SCAMP1: variants seen among roughly 807,000 people sequenced by gnomAD.
The protein encoded by SCAMP1 is secretory carrier membrane protein 1, also known as secretory carrier-associated membrane protein 1.
In SCAMP1, 15 loss-of-function variants were observed where a neutral mutation model predicts 41.8. The observed-to-expected ratio is 0.36, with a 90% CI of 0.24 to 0.55. The LOEUF (loss-of-function observed/expected upper bound fraction) is 0.55. Ranked by LOEUF, SCAMP1 falls within the 20% of genes least tolerant of loss-of-function variation. The pLI, the probability that SCAMP1 is intolerant of heterozygous loss-of-function variation, is 0.86. For missense variants in SCAMP1, 341 were observed against 412.6 expected, an observed-to-expected ratio of 0.83 and a Z score of 1.50; for synonymous variants, 135 against 136.8, an observed-to-expected ratio of 0.99 and a Z score of 0.09.
intron 3 of SCAMP1, 32 bp from the exon 4 acceptor site, chr5:78,416,509 A>C: frequency 6.8e-7 from 1 of 1,465,164 alleles, no homozygotes; most frequent in Non-Finnish European, 9.3e-7. Context: ...TACTTCTGAC[A>C]GTCTATTCAC....
intron 6 of SCAMP1, among the ~76,000 whole-genome samples, chr5:78,448,921 A>G (rs1425664278): frequency 3.3e-5 from 5 of 151,708 alleles, no homozygotes; most frequent in African/African-American, 1.2e-4. Flanking sequence ...AATCGCTTGA[A>G]CCTGGGAGGC....
chr5:78,417,337 G>A (rs1365355287), intron 4 of SCAMP1, among the ~76,000 whole-genome samples: 1 of 152,100 alleles, frequency 6.6e-6, no homozygotes, highest in Non-Finnish European at 1.5e-5. Context: ...GTAAGTCTAG[G>A]GCCTCATGAG....
chr5:78,464,224 G>A (rs1753686258), intron 8 of SCAMP1, among the ~76,000 whole-genome samples: 1 of 151,934 alleles, frequency 6.6e-6, no homozygotes, highest in African/African-American at 2.4e-5. Context: ...GCTCACTGCA[G>A]CCTCCAACTC....
In SCAMP1 at chr5:78,456,979, G is replaced by T. The variant is rs952227767; in HGVS notation, c.735-2266G>T. ...CCCTTTCTTCCAGTTGATCGCATGG[G>T]CTCCTGAGGCTTCTGCATTCTTCAC... On this transcript the variant is annotated intron_variant, in intron 7 of 8. Transcript: ENST00000621999. Among the ~76,000 whole-genome samples, 383 of 132,844 alleles carry T rather than the reference G, an allele frequency of 2.9e-3. 11 individuals are homozygous for T. Among genetic ancestry groups the T allele is most frequent in the Non-Finnish European group, 3.8e-3 (243 of 63,510 alleles). 87.2% of individuals were successfully genotyped at this position (132,844 alleles called of 152,430 possible).
intron 1 of SCAMP1, among the ~76,000 whole-genome samples, chr5:78,383,889 T>C (rs959319592): frequency 2.6e-5 from 4 of 152,204 alleles, no homozygotes; most frequent in Non-Finnish European, 5.9e-5. Context: ...TTGTCCTTTT[T>C]ACTTAGTCTT....
At chr5:78,465,075 G>A (rs1224166109) in intron 8 of SCAMP1, among the ~76,000 whole-genome samples, 1 of 152,148 alleles carries the variant, frequency 6.6e-6, no homozygotes, top group Non-Finnish European at 1.5e-5. Flanking sequence ...CTCCGATCTT[G>A]CTGTGTCTCC....
chr5:78,388,589 G>A (rs1234732066), intron 1 of SCAMP1, among the ~76,000 whole-genome samples: 2 of 152,244 alleles, frequency 1.3e-5, no homozygotes, highest in South Asian at 2.1e-4. Flanking sequence ...TTTTTATCTT[G>A]ATGTAATAGC....
At chr5:78,398,432 G>A (rs1751711241) in intron 2 of SCAMP1, among the ~76,000 whole-genome samples, 3 of 124,568 alleles carry the variant, frequency 2.4e-5, no homozygotes, top group African/African-American at 9.1e-5. Flanking sequence ...TGGCATGAAT[G>A]TAGCTTACTG....
At position 78,361,022 on chromosome 5, in the gene SCAMP1, C is replaced by G. The variant is rs531705556; in HGVS notation, c.57+294C>G. 3 of 366,984 alleles carry G rather than the reference C, an allele frequency of 8.2e-6. No individual in the cohort carries two copies. The East Asian group carries it at 1.6e-4, about 20-fold the overall frequency. The allele number at this position is 366,984 out of a possible 1,614,324, so 22.7% of individuals were successfully genotyped here. A position where few individuals can be genotyped will look rare whatever the true frequency, so the allele number is the denominator to read the frequency against. Reference sequence around the variant, plus strand: ...CTGGGCCCGCGCGCCCGGAGGGGTCCTGGCCCGCCTCTCAGGAGAGAAAGC... The same window carrying G: ...CTGGGCCCGCGCGCCCGGAGGGGTCGTGGCCCGCCTCTCAGGAGAGAAAGC... On this transcript the variant is annotated intron_variant, in intron 1 of 8. Coordinates refer to ENST00000621999, the MANE Select transcript of SCAMP1 (RefSeq NM_004866.6).
intron 8 of SCAMP1, among the ~76,000 whole-genome samples, chr5:78,467,491 T>G (rs947373195): frequency 6.6e-6 from 1 of 152,212 alleles, no homozygotes; most frequent in Admixed American, 6.5e-5. Context: ...AGTTATAGAA[T>G]GGTGCTCATA....
intron 1 of SCAMP1, among the ~76,000 whole-genome samples, chr5:78,369,198 G>A (rs1385863408): frequency 2.0e-5 from 3 of 151,088 alleles, no homozygotes; most frequent in East Asian, 2.0e-4. Flanking sequence ...CCTCCACCAC[G>A]CAGGTTCAAG....
rs1164686959 is a variant in SCAMP1, at chr5:78,460,808, C to CTTTCTTTCTTTT, written c.852+1446_852+1447insTTTCTTTCTTTT. Among the ~76,000 whole-genome samples the CTTTCTTTCTTTT allele has an allele frequency of 1.3e-4, 3 of 23,132 alleles. No individual in the cohort carries two copies. The East Asian group carries it at 3.2e-3, about 25-fold the overall frequency. 15.2% of individuals were successfully genotyped at this position (23,132 alleles called of 152,430 possible). ...TCCTTCCTTCCTTCCTTCCTTCCTCCCTTCCTTCCTTCCTTTCTTGTCTTT... is the reference window on the plus strand; with the variant it reads ...TCCTTCCTTCCTTCCTTCCTTCCTCCTTTCTTTCTTTTCTTCCTTCCTTCCTTTCTTGTCTTT... On this transcript the variant is annotated intron_variant, in intron 8 of 8. Coordinates refer to ENST00000621999, the MANE Select transcript of SCAMP1 (RefSeq NM_004866.6).
intron 1 of SCAMP1, among the ~76,000 whole-genome samples, chr5:78,362,772 C>T (rs1002045795): frequency 9.9e-5 from 15 of 151,850 alleles, no homozygotes; most frequent in Non-Finnish European, 1.6e-4. Flanking sequence ...TATATTTTGT[C>T]TTTTTACTTC....
At chr5:78,434,660 G>C (rs1370303684) in intron 6 of SCAMP1, among the ~76,000 whole-genome samples, 3 of 151,884 alleles carry the variant, frequency 2.0e-5, no homozygotes, top group Admixed American at 1.3e-4. Context: ...TTACATCTAT[G>C]AGTTTTCTTT....
chr5:78,360,919 G>GGGT (rs1433928244), intron 1 of SCAMP1, 191 bp downstream of exon 1: 1 of 590,294 alleles, frequency 1.7e-6, no homozygotes, highest in East Asian at 3.1e-5. Context: ...TGGGGCTTGG[G>GGGT]GGTGGAACCT....
intron 8 of SCAMP1, among the ~76,000 whole-genome samples, chr5:78,460,502 G>T (rs569483283): frequency 6.6e-6 from 1 of 152,062 alleles, no homozygotes; most frequent in South Asian, 2.1e-4. Context: ...TCTCTGATTG[G>T]TGATGTTGAG....
At chr5:78,412,099 C>T (rs543673487) in intron 2 of SCAMP1, among the ~76,000 whole-genome samples, 1 of 151,942 alleles carries the variant, frequency 6.6e-6, no homozygotes, top group Middle Eastern at 3.4e-3. Context: ...ACATGTTTAT[C>T]TGATAATTTT....
At chr5:78,441,948 G>T (rs1305155666) in intron 6 of SCAMP1, among the ~76,000 whole-genome samples, 1 of 152,178 alleles carries the variant, frequency 6.6e-6, no homozygotes, top group African/African-American at 2.4e-5. Flanking sequence ...GGGCAACATG[G>T]TGAAACCTGA....
chr5:78,459,233 A>C lies in SCAMP1; in HGVS notation c.735-12A>C, dbSNP rs367866089. Reference sequence around the variant, plus strand: ...CAACTTTTGCCTAATTACACTTTTTATTACTTTTTAGTGGTTGGATTTCAT... The same window carrying C: ...CAACTTTTGCCTAATTACACTTTTTCTTACTTTTTAGTGGTTGGATTTCAT... On this transcript the variant is annotated splice_polypyrimidine_tract_variant and intron_variant, in intron 7 of 8. Coordinates refer to ENST00000621999, the MANE Select transcript of SCAMP1 (RefSeq NM_004866.6). 26 of 1,262,032 alleles carry C rather than the reference A, an allele frequency of 2.1e-5. No homozygotes were observed. The highest frequency in any genetic ancestry group is 2.8e-5 in the Non-Finnish European group (24 of 865,402). 78.2% of individuals were successfully genotyped at this position (1,262,032 alleles called of 1,614,324 possible).
Sources: gnomAD v4.1 joint callset for allele counts (sites outside exome capture counted in the v4.1 genomes callset) on GRCh38, gnomAD v4.1.1 for gene constraint, MANE v1.5 for transcripts, NCBI Gene and HGNC (gene_info 2026-07-23, HGNC 2026-07-21) for gene names.